The following VGF variants were observed in gnomAD, a reference collection of about 807,000 sequenced individuals.
VGF encodes the protein neurosecretory protein VGF.
VGF carries 13 observed loss-of-function variants against 41.1 expected under a neutral mutation model. The observed-to-expected ratio is 0.32, with a 90% CI of 0.21 to 0.50. The LOEUF (loss-of-function observed/expected upper bound fraction) is 0.50, where lower values mean the gene tolerates loss of function less well. Among genes scored for constraint, VGF ranks in the 20% least tolerant of loss-of-function variants. VGF has a pLI of 0.98. For synonymous variants in VGF, 473 were observed against 418.3 expected (o/e 1.13, Z -1.60); for missense variants, 920 against 882.1 (o/e 1.04, Z -0.54).
upstream of VGF, among the ~76,000 whole-genome samples, chr7:101,168,013 T>G (rs1429429792): frequency 2.0e-5 from 2 of 98,146 alleles, no homozygotes; most frequent in Non-Finnish European, 4.2e-5. Context: ...TGGGTTGTTT[T>G]TTTTTGTTTT....
Position 101,163,485 on chromosome 7 carries a change from G to C in VGF, c.1359C>G (p.Asp453Glu). The change falls in exon 2 of 2, where the codon GAC becomes GAG. Residue 453 changes from aspartate (D) to glutamate (E), a missense_variant. Physicochemically the swap from Asp to Glu is conservative, Grantham distance 45. This residue lies in a region of VGF where 9 missense variants were observed against 26.5 expected (regional missense o/e 0.34). Transcript: ENST00000249330. This position sits in a 1 kb window ranked among gnomAD's most constrained non-coding sequence, Gnocchi z 5.0. ...GTTTGGTGGACAGCTCAATGAGGCT[G>C]TCGATCGTCTGCGGATCCATCTCCT... ...DDEEMDPQTI[D>E]SLIELSTKLH... is the part of the protein sequence containing the mutation. 1 of 1,613,062 alleles carries C rather than the reference G, an allele frequency of 6.2e-7. No individual in the cohort carries two copies. The highest frequency in any genetic ancestry group is 8.5e-7 in the Non-Finnish European group (1 of 1,179,922).
At chr7:101,169,614 C>T (rs1797274309), upstream of VGF, among the ~76,000 whole-genome samples, 1 of 152,080 alleles carries the variant, frequency 6.6e-6, no homozygotes, top group Non-Finnish European at 1.5e-5. Context: ...GCGCCAAAAC[C>T]CTCAAGGAAT....
upstream of VGF, among the ~76,000 whole-genome samples, chr7:101,168,031 T>TA (rs34595397): frequency 2.1e-4 from 31 of 149,758 alleles, no homozygotes; most frequent in African/African-American, 7.6e-4. Flanking sequence ...TTTTTTTTTT[T>TA]ATCTCTTCTG....
chr7:101,167,374 A>G (rs545216068), upstream of VGF, among the ~76,000 whole-genome samples: 1 of 151,770 alleles, frequency 6.6e-6, no homozygotes, highest in South Asian at 2.1e-4. This position sits in a 1 kb window ranked among gnomAD's most constrained non-coding sequence, Gnocchi z 4.2. Flanking sequence ...GACAGTGGAG[A>G]TTCCAAAGAA....
Position 101,162,816 on chromosome 7 carries a change from G to C in VGF, c.*180C>G, listed in dbSNP as rs1281329144. On this transcript the variant is annotated 3_prime_UTR_variant, in exon 2 of 2. Coordinates refer to ENST00000249330, the MANE Select transcript of VGF (RefSeq NM_003378.4). The surrounding 1 kb of genome is among the most constrained non-coding windows in gnomAD (Gnocchi z 4.2). ...GGTCACCCGCGGGTGAGCTCTGGGA[G>C]TTCGGGCTCAGGACCCGGGAGGGGG... The C allele has an allele frequency of 1.5e-6, 1 of 659,522 alleles. No individual in the cohort carries two copies. The highest frequency in any genetic ancestry group is 2.8e-6 in the Non-Finnish European group (1 of 359,264). 40.9% of individuals were successfully genotyped at this position (659,522 alleles called of 1,614,324 possible). A position where few individuals can be genotyped will look rare whatever the true frequency, so the allele number is the denominator to read the frequency against.
upstream of VGF, among the ~76,000 whole-genome samples, chr7:101,169,536 T>A (rs563572316): frequency 6.6e-6 from 1 of 152,196 alleles, no homozygotes; most frequent in African/African-American, 2.4e-5. Flanking sequence ...AGGCTGGAGA[T>A]GTGTGCAGGG....
chr7:101,164,679 GCTGCCATCCTTTGGCCCGGGCA>G lies in VGF; in HGVS notation c.143_164del (p.Val48AlafsTer61). 6.3e-7 allele frequency: 1 copy of G among 1,598,874 alleles called. No homozygotes were observed. The highest frequency in any genetic ancestry group is 8.5e-7 in the Non-Finnish European group (1 of 1,173,038). On this transcript the variant is annotated frameshift_variant, in exon 2 of 2. Transcript: ENST00000249330. LOFTEE classifies it high-confidence loss of function. ...TCCGAGCGCCTCGGACCTCTGGGGC[GCTGCCATCCTTTGGCCCGGGCA>G]CTGCGTCCCCGGCTACCGGCTCTTT...
At chr7:101,167,823 G>A (rs1797243254), upstream of VGF, among the ~76,000 whole-genome samples, 1 of 151,986 alleles carries the variant, frequency 6.6e-6, no homozygotes, top group African/African-American at 2.4e-5. This position sits in a 1 kb window ranked among gnomAD's most constrained non-coding sequence, Gnocchi z 4.2. Flanking sequence ...ATACATGGCC[G>A]GGGCGGGGAG....
rs887772194 is a variant in VGF at position 101,162,605 on chromosome 7, G to A, written c.*391C>T. ...AGGAAAGAAGGGGTCAATTCACAGC[G>A]ACTTGGAGAGGCTGGAGGGGCTCGT... On this transcript the variant is annotated 3_prime_UTR_variant, in exon 2 of 2. Coordinates refer to ENST00000249330, the MANE Select transcript of VGF (RefSeq NM_003378.4). This position sits in a 1 kb window ranked among gnomAD's most constrained non-coding sequence, Gnocchi z 4.2. 3.1e-6 allele frequency: 1 copy of A among 323,004 alleles called. No individual in the cohort carries two copies. The highest frequency in any genetic ancestry group is 1.3e-4 in the East Asian group (1 of 7,956). The allele number at this position is 323,004 out of a possible 1,614,324, so 20.0% of individuals were successfully genotyped here.
In VGF at chr7:101,163,107, C is replaced by G; in HGVS notation, c.1737G>C (p.Arg579=). Residue 579 remains arginine (R), a synonymous_variant, in exon 2 of 2, where the codon CGG becomes CGC. Coordinates refer to ENST00000249330, the MANE Select transcript of VGF (RefSeq NM_003378.4). This position sits in a 1 kb window ranked among gnomAD's most constrained non-coding sequence, Gnocchi z 5.0. Reference sequence around the variant, plus strand: ...CCTGCGCGCGCCGCGCCTGGGCCTCCCGGCCGGGATAGTGGCGCGAAGGCG... The same window carrying G: ...CCTGCGCGCGCCGCGCCTGGGCCTCGCGGCCGGGATAGTGGCGCGAAGGCG... ...ALPPSRHYPG[R]EAQARRAQEE... The G allele has an allele frequency of 1.3e-6, 2 of 1,582,490 alleles. No individual in the cohort carries two copies. Among genetic ancestry groups the G allele is most frequent in the Non-Finnish European group, 1.7e-6 (2 of 1,167,872 alleles).
chr7:101,169,581 C>T (rs957120469), upstream of VGF, among the ~76,000 whole-genome samples: 3 of 152,100 alleles, frequency 2.0e-5, no homozygotes, highest in African/African-American at 7.2e-5. Flanking sequence ...CTCACTCATT[C>T]CTTTTACCAG....
chr7:101,168,590 T>C (rs1338461711), upstream of VGF, among the ~76,000 whole-genome samples: 3 of 152,126 alleles, frequency 2.0e-5, no homozygotes, highest in Non-Finnish European at 4.4e-5. Context: ...GGGGACCTAG[T>C]TGGGGATGCC....
At chr7:101,168,621 T>C (rs532028304), upstream of VGF, among the ~76,000 whole-genome samples, 2 of 152,272 alleles carry the variant, frequency 1.3e-5, no homozygotes, top group Admixed American at 1.3e-4. Flanking sequence ...TCTGACTTGT[T>C]TGTGTGAATC....
At chr7:101,166,017 C>T (rs1034485653), upstream of VGF, among the ~76,000 whole-genome samples, 3 of 152,222 alleles carry the variant, frequency 2.0e-5, no homozygotes, top group African/African-American at 7.2e-5. Context: ...CAGCGTCTGA[C>T]TGGGCACCAG....
intron 1 of VGF, 170 bp downstream of exon 1, chr7:101,165,204 G>C: frequency 9.8e-7 from 1 of 1,015,918 alleles, no homozygotes; most frequent in Non-Finnish European, 1.2e-6. Flanking sequence ...GATGGTGCGT[G>C]GGCGACTTCA....
In VGF at chr7:101,163,391, T is replaced by A; in HGVS notation, c.1453A>T (p.Asn485Tyr). ...EVEEKRKRKK[N>Y]APPEPVPPPR... ...GGCGGCACGGGCTCGGGAGGGGCGTTCTTCTTCCGCTTCCGCTTCTCCTCC... is the reference window on the plus strand; with the variant it reads ...GGCGGCACGGGCTCGGGAGGGGCGTACTTCTTCCGCTTCCGCTTCTCCTCC... Residue 485 changes from asparagine (N) to tyrosine (Y), a missense_variant, in exon 2 of 2, where the codon AAC becomes TAC. This residue lies in a region of VGF where 257 missense variants were observed against 217.2 expected (regional missense o/e 1.18). Transcript: ENST00000249330. This position sits in a 1 kb window ranked among gnomAD's most constrained non-coding sequence, Gnocchi z 5.0. The A allele has an allele frequency of 1.3e-6, 2 of 1,597,892 alleles. No individual in the cohort carries two copies. Among genetic ancestry groups the A allele is most frequent in the Non-Finnish European group, 1.7e-6 (2 of 1,178,264 alleles).
chr7:101,169,152 C>A (rs1207177991), upstream of VGF, among the ~76,000 whole-genome samples: 2 of 151,964 alleles, frequency 1.3e-5, no homozygotes, highest in Non-Finnish European at 2.9e-5. Flanking sequence ...CCCATTCGCC[C>A]TCAGACCCCC....
upstream of VGF, chr7:101,165,659 AT>A (rs1302733732): frequency 1.0e-6 from 1 of 984,906 alleles, no homozygotes; most frequent in Non-Finnish European, 1.2e-6. Context: ...ATGTTCATTC[AT>A]GGGGAAGCGG....
chr7:101,168,629 A>C (rs1019655673), upstream of VGF, among the ~76,000 whole-genome samples: 22 of 152,266 alleles, frequency 1.4e-4, no homozygotes, highest in Admixed American at 5.2e-4. Context: ...GTTTGTGTGA[A>C]TCCATCATCT....
Sources: allele counts gnomAD v4.1 joint callset (sites outside exome capture counted in the v4.1 genomes callset), GRCh38; gene constraint gnomAD v4.1.1; regional missense constraint gnomAD v4.1.1; non-coding constraint Gnocchi (gnomAD v3.1); transcripts MANE v1.5; gene names NCBI Gene and HGNC (gene_info 2026-07-23, HGNC 2026-07-21).